BRINP3: variants seen among roughly 807,000 people sequenced by gnomAD.
BRINP3 encodes the protein BMP/retinoic acid inducible neural specific 3.
In BRINP3, 19 loss-of-function variants were observed where a neutral mutation model predicts 71.0. The observed-to-expected ratio is 0.27, with a 90% CI of 0.19 to 0.39. The LOEUF is 0.39. Among genes scored for constraint, BRINP3 ranks in the 10% least tolerant of loss-of-function variants. The pLI, the probability that BRINP3 is intolerant of heterozygous loss-of-function variation, is 1.00. For missense variants in BRINP3, 959 were observed against 940.8 expected, an observed-to-expected ratio of 1.02 and a Z score of -0.25; for synonymous variants, 380 against 337.7, an observed-to-expected ratio of 1.13 and a Z score of -1.37.
intron 2 of BRINP3, among the ~76,000 whole-genome samples, chr1:190,446,148 C>A (rs1675207079): frequency 6.6e-6 from 1 of 151,900 alleles, no homozygotes; most frequent in Non-Finnish European, 1.5e-5. Flanking sequence ...TTCCCAATGG[C>A]AACTGTATAT....
At chr1:190,149,597 A>C (rs908269938) in intron 7 of BRINP3, among the ~76,000 whole-genome samples, 1 of 150,606 alleles carries the variant, frequency 6.6e-6, no homozygotes, top group African/African-American at 2.4e-5. Flanking sequence ...CGTGCGTGTT[A>C]GTGTGCACTT....
At chr1:190,357,220 T>A (rs1668790596) in intron 2 of BRINP3, among the ~76,000 whole-genome samples, 1 of 152,022 alleles carries the variant, frequency 6.6e-6, no homozygotes, top group Non-Finnish European at 1.5e-5. Flanking sequence ...GGCCTATGCA[T>A]CTTTTTTAAA....
intron 2 of BRINP3, among the ~76,000 whole-genome samples, chr1:190,438,593 TA>T (rs1674621484): frequency 2.0e-5 from 3 of 151,902 alleles, no homozygotes; most frequent in Admixed American, 1.3e-4. Context: ...AGCACCTTAA[TA>T]TTAAAGCCAC....
chr1:190,133,747 A>T (rs1654740366), intron 7 of BRINP3, among the ~76,000 whole-genome samples: 1 of 152,120 alleles, frequency 6.6e-6, no homozygotes, highest in Admixed American at 6.6e-5. Flanking sequence ...ATATTTAAGG[A>T]CATATATCAA....
chr1:190,341,657 C>T (rs1205472551), intron 2 of BRINP3, among the ~76,000 whole-genome samples: 1 of 151,456 alleles, frequency 6.6e-6, no homozygotes, highest in African/African-American at 2.4e-5. Flanking sequence ...TACAAGATGA[C>T]ATTATTTGGA....
intron 2 of BRINP3, among the ~76,000 whole-genome samples, chr1:190,425,386 T>C (rs1673636086): frequency 6.6e-6 from 1 of 151,808 alleles, no homozygotes; most frequent in Admixed American, 6.6e-5. Context: ...AGATTTTGTC[T>C]CAACATAAGC....
chr1:190,213,929 A>G (rs767055483), intron 6 of BRINP3, among the ~76,000 whole-genome samples: 1 of 152,042 alleles, frequency 6.6e-6, no homozygotes, highest in East Asian at 1.9e-4. Context: ...ATTTAAAATG[A>G]CGTGTGAGTC....
intron 4 of BRINP3, 57 bp downstream of exon 4, chr1:190,264,807 TG>T: frequency 7.0e-7 from 1 of 1,429,858 alleles, no homozygotes; most frequent in Admixed American, 2.2e-5. Flanking sequence ...AAATGCCTTT[TG>T]GATATAGAGG....
intron 2 of BRINP3, among the ~76,000 whole-genome samples, chr1:190,361,907 C>A (rs1406839560): frequency 6.6e-6 from 1 of 151,982 alleles, no homozygotes; most frequent in Non-Finnish European, 1.5e-5. Context: ...GAAGGTGTAA[C>A]CTTCAATGTG....
At chr1:190,192,108 T>C (rs1186389066) in intron 6 of BRINP3, among the ~76,000 whole-genome samples, 2 of 152,158 alleles carry the variant, frequency 1.3e-5, no homozygotes, top group Non-Finnish European at 2.9e-5. Context: ...AAATACGGGC[T>C]CTGAATGCTT....
chr1:190,229,222 G>A (rs968726854), intron 5 of BRINP3, among the ~76,000 whole-genome samples: 2 of 151,956 alleles, frequency 1.3e-5, no homozygotes, highest in African/African-American at 4.8e-5. Context: ...CCCACATGTC[G>A]TGGGAGGGAC....
chr1:190,105,610 T>C (rs180969196), intron 7 of BRINP3, among the ~76,000 whole-genome samples: 6 of 152,176 alleles, frequency 3.9e-5, no homozygotes, highest in Admixed American at 2.0e-4. Context: ...AGCTAGTGAG[T>C]GTCAGAGCTA....
intron 2 of BRINP3, among the ~76,000 whole-genome samples, chr1:190,382,997 T>C (rs922500570): frequency 2.0e-5 from 3 of 152,278 alleles, no homozygotes; most frequent in South Asian, 2.1e-4. Context: ...TCAGAATAGA[T>C]ACAGTATTGA....
intron 2 of BRINP3, among the ~76,000 whole-genome samples, chr1:190,328,257 A>G (rs934021983): frequency 3.3e-5 from 5 of 152,138 alleles, no homozygotes; most frequent in African/African-American, 9.6e-5. Context: ...CAAAGAATCA[A>G]CAAAACAAAA....
chr1:190,374,193 T>A (rs1323158967), intron 2 of BRINP3, among the ~76,000 whole-genome samples: 1 of 152,086 alleles, frequency 6.6e-6, no homozygotes, highest in African/African-American at 2.4e-5. Context: ...TGGTTCAGTA[T>A]TTGCTAAATC....
chr1:190,322,547 A>T (rs1666313876), intron 2 of BRINP3, among the ~76,000 whole-genome samples: 1 of 152,032 alleles, frequency 6.6e-6, no homozygotes, highest in African/African-American at 2.4e-5. Context: ...ATATCCTAGA[A>T]TATTCATCAC....
intron 6 of BRINP3, among the ~76,000 whole-genome samples, chr1:190,200,200 G>A (rs573632242): frequency 4.6e-5 from 7 of 152,180 alleles, no homozygotes; most frequent in South Asian, 2.1e-4. Context: ...TCAAGGACAC[G>A]ATCTTGATCA....
At chr1:190,437,146 T>C (rs1439998533) in intron 2 of BRINP3, among the ~76,000 whole-genome samples, 2 of 151,784 alleles carry the variant, frequency 1.3e-5, no homozygotes, top group African/African-American at 4.8e-5. Context: ...CAATGGATTT[T>C]TTCAGCAAAA....
chr1:190,289,830 C>A (rs1384509486), intron 2 of BRINP3, among the ~76,000 whole-genome samples: 5 of 152,008 alleles, frequency 3.3e-5, no homozygotes, highest in African/African-American at 1.2e-4. Context: ...AATTCAGGTC[C>A]TCTTGTTATA....
Sources: allele counts gnomAD v4.1 joint callset (sites outside exome capture counted in the v4.1 genomes callset), GRCh38; gene constraint gnomAD v4.1.1; transcripts MANE v1.5; gene names NCBI Gene and HGNC (gene_info 2026-07-23, HGNC 2026-07-21).